The following C5orf63 variants were observed in gnomAD, a reference collection of about 807,000 sequenced individuals.
C5orf63 encodes the protein glutaredoxin-like protein C5orf63.
A neutral mutation model predicts 13.3 loss-of-function variants in C5orf63; 18 were observed. The observed-to-expected ratio is 1.36, with a 90% CI of 0.94 to 2.01. The LOEUF (loss-of-function observed/expected upper bound fraction) is 2.01. Among genes scored for constraint, C5orf63 ranks in the 30% most tolerant of loss-of-function variants. The pLI is 0.00. For missense variants in C5orf63, 118 were observed against 127.7 expected (o/e 0.92, Z 0.36); for synonymous variants, 38 against 44.7 (o/e 0.85, Z 0.60).
chr5:127,055,326 T>C (rs1011197271), intron 3 of C5orf63, among the ~76,000 whole-genome samples: 2 of 152,194 alleles, frequency 1.3e-5, no homozygotes, highest in African/African-American at 2.4e-5. Flanking sequence ...AGAACAAAGC[T>C]GGAGACATCA....
intron 2 of C5orf63, among the ~76,000 whole-genome samples, chr5:127,061,953 T>C (rs1056615415): frequency 2.6e-5 from 4 of 152,242 alleles, no homozygotes; most frequent in Non-Finnish European, 5.9e-5. Flanking sequence ...ACCAGGGCAG[T>C]GAACTGCAGC....
chr5:127,048,970 G>T (rs1006385146), downstream of C5orf63, among the ~76,000 whole-genome samples: 1 of 152,188 alleles, frequency 6.6e-6, no homozygotes, highest in Non-Finnish European at 1.5e-5. Flanking sequence ...ACCCTGCCTG[G>T]AGAAGGCAGG....
chr5:127,067,388 A>G (rs1484331462), intron 2 of C5orf63, among the ~76,000 whole-genome samples: 1 of 152,220 alleles, frequency 6.6e-6, no homozygotes, highest in African/African-American at 2.4e-5. Context: ...GCAGTCTCAG[A>G]AATGCGGAAT....
intron 2 of C5orf63, among the ~76,000 whole-genome samples, chr5:127,070,403 G>A (rs1239299239): frequency 1.3e-5 from 2 of 152,164 alleles, no homozygotes; most frequent in Non-Finnish European, 2.9e-5. Flanking sequence ...CTGGAACAAT[G>A]AGAGGAAATT....
chr5:127,047,543 A>C (rs1753544752), downstream of C5orf63: 1 of 577,772 alleles, frequency 1.7e-6, no homozygotes, highest in South Asian at 2.2e-5. Flanking sequence ...TTGATGAGTA[A>C]GTTTATTGAA....
At chr5:127,072,004 C>G (rs1230621453) in intron 1 of C5orf63, 1 of 152,258 alleles carries the variant, frequency 6.6e-6, no homozygotes, top group Non-Finnish European at 1.5e-5. Context: ...TACCTGCCAA[C>G]AGTCCATCTA....
At chr5:127,047,702 C>T, downstream of C5orf63, 2 of 703,914 alleles carry the variant, frequency 2.8e-6, no homozygotes, top group Non-Finnish European at 5.2e-6. Flanking sequence ...CAGGTCATAT[C>T]AGGACTCTTG....
intron 3 of C5orf63, among the ~76,000 whole-genome samples, chr5:127,056,827 T>A (rs1283792601): frequency 6.6e-6 from 1 of 152,228 alleles, no homozygotes; most frequent in African/African-American, 2.4e-5. Context: ...TACTTTCTAT[T>A]TTTCATAACT....
intron 2 of C5orf63, among the ~76,000 whole-genome samples, chr5:127,064,959 T>C (rs1754263788): frequency 6.6e-6 from 1 of 152,204 alleles, no homozygotes; most frequent in Admixed American, 6.5e-5. Flanking sequence ...CCCCTTACCC[T>C]TCTAGTTCTC....
chr5:127,046,344 T>A (rs1753520877), downstream of C5orf63: 1 of 152,252 alleles, frequency 6.6e-6, no homozygotes, highest in Admixed American at 6.5e-5. Context: ...CCTCTCCACA[T>A]CACTACCGAC....
Position 127,058,867 on chromosome 5 carries a change from T to C in C5orf63, c.114+15A>G, listed in dbSNP as rs1753987781. 1.3e-6 allele frequency: 2 copies of C among 1,494,216 alleles called. No individual in the cohort carries two copies. Among genetic ancestry groups the C allele is most frequent in the Non-Finnish European group, 1.8e-6 (2 of 1,110,588 alleles). The allele number at this position is 1,494,216 out of a possible 1,614,324, so 92.6% of individuals were successfully genotyped here. A position where few individuals can be genotyped will look rare whatever the true frequency, so the allele number is the denominator to read the frequency against. ...AACTTTCTTCACCCAACAATTTTAC[T>C]TTTTCACTTTGTACCTTTGTGAATA... On this transcript the variant is annotated intron_variant, in intron 3 of 4. Coordinates refer to ENST00000296662, the MANE Select transcript of C5orf63 (RefSeq NM_001164478.2).
chr5:127,060,734 T>A (rs961569907), intron 2 of C5orf63, among the ~76,000 whole-genome samples: 1 of 152,218 alleles, frequency 6.6e-6, no homozygotes, highest in Non-Finnish European at 1.5e-5. Context: ...TACTTCTGCA[T>A]GAAAAGCTCT....
intron 2 of C5orf63, among the ~76,000 whole-genome samples, chr5:127,066,150 T>A (rs902370926): frequency 1.3e-5 from 2 of 151,854 alleles, no homozygotes; most frequent in African/African-American, 4.9e-5. Context: ...ATTGTATGGC[T>A]TAAGCAGAGT....
At chr5:127,053,094 CCT>C (rs1753745357) in intron 3 of C5orf63, among the ~76,000 whole-genome samples, 1 of 152,192 alleles carries the variant, frequency 6.6e-6, no homozygotes, top group Non-Finnish European at 1.5e-5. Flanking sequence ...GCCTTGCCAG[CCT>C]GTTTTTCCTA....
intron 1 of C5orf63, among the ~76,000 whole-genome samples, chr5:127,072,546 G>A (rs1402112693): frequency 6.6e-6 from 1 of 152,136 alleles, no homozygotes; most frequent in Non-Finnish European, 1.5e-5. Flanking sequence ...TGGGAAATGC[G>A]CTAGAAAGTA....
chr5:127,045,615 G>C (rs933791186), exon 5 of C5orf63: 2 of 152,160 alleles, frequency 1.3e-5, no homozygotes, highest in African/African-American at 4.8e-5. Context: ...ATTAGGACCT[G>C]GGTATCTTTG....
At chr5:127,061,789 A>G (rs964574590) in intron 2 of C5orf63, among the ~76,000 whole-genome samples, 8 of 152,354 alleles carry the variant, frequency 5.3e-5, no homozygotes, top group African/African-American at 1.9e-4. Flanking sequence ...GAAAGTCTCT[A>G]TGCTAATGGT....
chr5:127,066,926 G>A (rs976749299), intron 2 of C5orf63, among the ~76,000 whole-genome samples: 1 of 152,198 alleles, frequency 6.6e-6, no homozygotes, highest in Non-Finnish European at 1.5e-5. Flanking sequence ...CAATGAGAAA[G>A]TGTTTCCAGA....
At chr5:127,046,867 A>T (rs1425874100), downstream of C5orf63, 1 of 152,360 alleles carries the variant, frequency 6.6e-6, no homozygotes, top group Admixed American at 6.5e-5. Context: ...TAGTGTGTGT[A>T]AGCAGGGGAG....
Sources: gnomAD v4.1 joint callset for allele counts (sites outside exome capture counted in the v4.1 genomes callset) on GRCh38, gnomAD v4.1.1 for gene constraint, MANE v1.5 for transcripts, NCBI Gene and HGNC (gene_info 2026-07-23, HGNC 2026-07-21) for gene names.